Variants in PHF24 observed in about 807,000 individuals in gnomAD.
The protein encoded by PHF24 is PHD finger protein 24.
A neutral mutation model predicts 42.6 loss-of-function variants in PHF24; 25 were observed. The ratio of observed to expected loss-of-function variants is 0.59; its 90% CI spans 0.43 to 0.82. The LOEUF (loss-of-function observed/expected upper bound fraction) is 0.82, where lower values mean the gene tolerates loss of function less well. Among genes scored for constraint, PHF24 ranks in the 40% least tolerant of loss-of-function variants. The pLI is 0.00. For synonymous variants in PHF24, 185 were observed against 204.8 expected (o/e 0.90, Z 0.83); for missense variants, 470 against 538.1 (o/e 0.87, Z 1.25).
the PHF24 span, chr9:34,724,515 T>C: frequency 6.4e-7 from 1 of 1,551,442 alleles, no homozygotes; most frequent in South Asian, 1.2e-5. Flanking sequence ...TTCCTTGCCC[T>C]AATGGGAATT....
the PHF24 span, among the ~76,000 whole-genome samples, chr9:34,773,233 G>T: frequency 1.3e-5 from 2 of 152,046 alleles, no homozygotes; most frequent in South Asian, 2.1e-4. Context: ...CAGGTGATCC[G>T]CCCATCTTGG....
At chr9:34,797,881 C>T in the PHF24 span, among the ~76,000 whole-genome samples, 2 of 151,844 alleles carry the variant, frequency 1.3e-5, no homozygotes, top group Non-Finnish European at 2.9e-5. Flanking sequence ...CAGCACTTCC[C>T]TTCCCACATT....
chr9:34,665,648 C>G, the PHF24 span: 1 of 701,202 alleles, frequency 1.4e-6, no homozygotes, highest in Admixed American at 2.0e-5. Context: ...CGTATCTCCT[C>G]ATTCCCGACA....
chr9:34,955,474 C>G (rs1826350571), upstream of PHF24, among the ~76,000 whole-genome samples: 1 of 152,206 alleles, frequency 6.6e-6, no homozygotes, highest in Non-Finnish European at 1.5e-5. Context: ...ATCAGGAGTT[C>G]AAGACCAGCC....
At chr9:34,939,975 C>T in the PHF24 span, among the ~76,000 whole-genome samples, 1 of 152,246 alleles carries the variant, frequency 6.6e-6, no homozygotes, top group South Asian at 2.1e-4. Flanking sequence ...CTTTAAGTTC[C>T]AGCTCCCTTT....
intron 1 of PHF24, among the ~76,000 whole-genome samples, chr9:34,970,916 T>A (rs959212301): frequency 1.3e-5 from 2 of 152,102 alleles, no homozygotes; most frequent in African/African-American, 4.8e-5. Context: ...ATAGCCCTCA[T>A]TCCATAGATG....
the PHF24 span, chr9:34,681,286 A>G: frequency 5.3e-5 from 8 of 152,232 alleles, no homozygotes; most frequent in Non-Finnish European, 1.2e-4. Context: ...TTATTACAGC[A>G]TTACCTAGCC....
chr9:34,771,906 A>T, the PHF24 span, among the ~76,000 whole-genome samples: 18 of 152,192 alleles, frequency 1.2e-4, no homozygotes, highest in African/African-American at 4.1e-4. Context: ...CCCTGTCCCC[A>T]TCCTCATTTT....
At chr9:34,854,974 G>GT in the PHF24 span, among the ~76,000 whole-genome samples, 5 of 152,154 alleles carry the variant, frequency 3.3e-5, no homozygotes, top group African/African-American at 1.2e-4. Flanking sequence ...ATTGGTGTAT[G>GT]TATATTTAGG....
At chr9:34,709,437 C>T in the PHF24 span, 4 of 1,612,758 alleles carry the variant, frequency 2.5e-6, no homozygotes, top group South Asian at 4.4e-5. Context: ...CCTGTGAGGG[C>T]AGAAGAGGGG....
chr9:34,936,998 C>G, the PHF24 span, among the ~76,000 whole-genome samples: 1 of 148,464 alleles, frequency 6.7e-6, no homozygotes. Flanking sequence ...CCCCGCCAGG[C>G]CAGCCGCCCC....
At chr9:34,738,887 T>C in the PHF24 span, among the ~76,000 whole-genome samples, 1 of 152,132 alleles carries the variant, frequency 6.6e-6, no homozygotes, top group Non-Finnish European at 1.5e-5. Flanking sequence ...GGGCCAGAGG[T>C]TAAAACATCA....
the PHF24 span, among the ~76,000 whole-genome samples, chr9:34,730,464 C>G: frequency 5.9e-5 from 9 of 152,160 alleles, no homozygotes; most frequent in African/African-American, 2.2e-4. Context: ...GGCTTTGGTC[C>G]TTCCTCAGTA....
the PHF24 span, chr9:34,918,048 G>T: frequency 1.5e-6 from 2 of 1,324,458 alleles, no homozygotes; most frequent in Non-Finnish European, 2.2e-6. Flanking sequence ...TGATCCCAAA[G>T]GAGGCCTGGA....
At chr9:34,706,270 G>A in the PHF24 span, among the ~76,000 whole-genome samples, 2 of 152,142 alleles carry the variant, frequency 1.3e-5, no homozygotes, top group Admixed American at 1.3e-4. Context: ...ATATTTAGAG[G>A]ATGCAGTGAC....
chr9:34,971,472 G>T (rs1237848125), exon 2 of PHF24: 8 of 1,614,098 alleles, frequency 5.0e-6, no homozygotes, highest in Non-Finnish European at 6.8e-6. Context: ...TACAGGAGGA[G>T]AAGGAAGCAG....
the PHF24 span, among the ~76,000 whole-genome samples, chr9:34,891,199 CAG>C: frequency 6.6e-6 from 1 of 152,194 alleles, no homozygotes; most frequent in East Asian, 1.9e-4. Context: ...TGTCAGTATT[CAG>C]AGTGTCCTTT....
chr9:34,878,655 C>G, the PHF24 span, among the ~76,000 whole-genome samples: 1 of 152,194 alleles, frequency 6.6e-6, no homozygotes, highest in Non-Finnish European at 1.5e-5. Flanking sequence ...AAGGCAGCAG[C>G]AAGGCTGGGG....
At chr9:34,836,638 C>T in the PHF24 span, among the ~76,000 whole-genome samples, 4 of 152,144 alleles carry the variant, frequency 2.6e-5, no homozygotes, top group Non-Finnish European at 5.9e-5. Flanking sequence ...AGGAACTGGA[C>T]TCCTTGAATA....
Sources: allele counts gnomAD v4.1 joint callset (sites outside exome capture counted in the v4.1 genomes callset), GRCh38; gene constraint gnomAD v4.1.1; transcripts MANE v1.5; gene names NCBI Gene and HGNC (gene_info 2026-07-23, HGNC 2026-07-21).